TNFSF10: variants seen among roughly 807,000 people sequenced by gnomAD.
TNFSF10 encodes the protein tumor necrosis factor ligand superfamily member 10.
A neutral mutation model predicts 29.5 loss-of-function variants in TNFSF10; 13 were observed. That is an observed-to-expected ratio of 0.44 (90% CI 0.29 to 0.70). The LOEUF (loss-of-function observed/expected upper bound fraction) is 0.70. Ranked by LOEUF, TNFSF10 falls within the 30% of genes least tolerant of loss-of-function variation. TNFSF10 has a pLI of 0.13. For missense variants in TNFSF10, 345 were observed against 330.9 expected, an observed-to-expected ratio of 1.04 and a Z score of -0.33; for synonymous variants, 111 against 112.8, an observed-to-expected ratio of 0.98 and a Z score of 0.10.
At chr3:172,522,475 C>G in intron 1 of TNFSF10, 1 of 1,273,264 alleles carries the variant, frequency 7.9e-7, no homozygotes, top group Non-Finnish European at 1.1e-6. Context: ...GTTAGAATCT[C>G]TTACTGTGCA....
rs529129094 is a variant in TNFSF10, at chr3:172,508,680, G to A, written c.418+537C>T. Among the ~76,000 whole-genome samples the A allele has an allele frequency of 1.4e-3, 217 of 152,060 alleles. 1 individual carries two copies. The highest frequency in any genetic ancestry group is 6.8e-3 in the Middle Eastern group (2 of 294). Reference sequence around the variant, plus strand: ...CGAGGTGGGCGGATCACCTGAGGTCGGGAGTTCGAGACCAGCCTGACCAAC... The same window carrying A: ...CGAGGTGGGCGGATCACCTGAGGTCAGGAGTTCGAGACCAGCCTGACCAAC... On this transcript the variant is annotated intron_variant, in intron 4 of 4. Coordinates refer to ENST00000241261, the MANE Select transcript of TNFSF10 (RefSeq NM_003810.4).
chr3:172,509,098 ACTGAGCATT>A (rs1713115761), intron 4 of TNFSF10, 110 bp downstream of exon 4: 1 of 757,770 alleles, frequency 1.3e-6, no homozygotes, highest in Non-Finnish European at 2.1e-6. Context: ...TCTGATTAAT[ACTGAGCATT>A]TTGTAGATAG....
chr3:172,517,282 G>A, intron 1 of TNFSF10: 1 of 964,994 alleles, frequency 1.0e-6, no homozygotes, highest in Non-Finnish European at 1.2e-6. Context: ...GCCCAGGTTA[G>A]CACCAATTGC....
intron 1 of TNFSF10, chr3:172,517,294 G>A (rs760221377): frequency 9.6e-5 from 94 of 979,374 alleles, no homozygotes; most frequent in Non-Finnish European, 1.0e-4. Flanking sequence ...ACCAATTGCT[G>A]GCTAGAGCCT....
intron 1 of TNFSF10, among the ~76,000 whole-genome samples, chr3:172,516,784 G>A (rs1225299655): frequency 6.6e-6 from 1 of 152,156 alleles, no homozygotes; most frequent in African/African-American, 2.4e-5. Flanking sequence ...CTTGGGAGAT[G>A]CAAAACCTTT....
chr3:172,516,263 C>CAAAAAA (rs34276385), intron 1 of TNFSF10, among the ~76,000 whole-genome samples: 1 of 124,458 alleles, frequency 8.0e-6, no homozygotes. Context: ...GACTCCATCT[C>CAAAAAA]AAAAAAAAAA....
chr3:172,507,967 G>A (rs1159044757), intron 4 of TNFSF10, among the ~76,000 whole-genome samples: 1 of 152,214 alleles, frequency 6.6e-6, no homozygotes, highest in Non-Finnish European at 1.5e-5. Flanking sequence ...ACTGAAGCTT[G>A]ACTAGGTTAA....
chr3:172,513,609 A>G (rs887932043), intron 2 of TNFSF10, among the ~76,000 whole-genome samples: 4 of 152,318 alleles, frequency 2.6e-5, no homozygotes, highest in Admixed American at 2.6e-4. Context: ...GCTCAGGATT[A>G]TCAGCTTGAT....
At chr3:172,507,178 C>T in intron 4 of TNFSF10, 1 of 453,784 alleles carries the variant, frequency 2.2e-6, no homozygotes, top group Non-Finnish European at 3.9e-6. Context: ...GCTGCTTATG[C>T]CACATGTGTC....
intron 4 of TNFSF10, chr3:172,507,292 A>T (rs1713029092): frequency 5.1e-6 from 1 of 196,146 alleles, no homozygotes; most frequent in Non-Finnish European, 1.0e-5. Flanking sequence ...GTGCTGGTGA[A>T]CTTAAGTGGA....
intron 1 of TNFSF10, chr3:172,517,921 C>T: frequency 1.0e-6 from 1 of 985,424 alleles, no homozygotes; most frequent in Non-Finnish European, 1.2e-6. Flanking sequence ...AGAGAGGAAG[C>T]CCCAGTCACT....
intron 1 of TNFSF10, chr3:172,517,286 C>A: frequency 2.1e-6 from 2 of 973,698 alleles, no homozygotes; most frequent in Non-Finnish European, 2.4e-6. Context: ...AGGTTAGCAC[C>A]AATTGCTGGC....
Position 172,515,018 on chromosome 3 carries a change from AAC to A in TNFSF10, c.133-22_133-21del. On this transcript the variant is annotated intron_variant, in intron 1 of 4. Coordinates refer to ENST00000241261, the MANE Select transcript of TNFSF10 (RefSeq NM_003810.4). ...CTGCATCTGGGTTGAGATGGAATAT[AAC>A]ACAATATTTTGCATAAGTGCTTTTT... The A allele has an allele frequency of 6.2e-7, 1 of 1,613,606 alleles. No homozygotes were observed. The highest frequency in any genetic ancestry group is 8.5e-7 in the Non-Finnish European group (1 of 1,179,906).
intron 1 of TNFSF10, among the ~76,000 whole-genome samples, chr3:172,522,041 C>T (rs780577917): frequency 4.9e-5 from 7 of 143,726 alleles, no homozygotes; most frequent in South Asian, 4.8e-4. Context: ...TGGGGCCTGT[C>T]GGGGGTGGGA....
chr3:172,517,268 A>C, intron 1 of TNFSF10: 1 of 922,228 alleles, frequency 1.1e-6, no homozygotes, highest in Non-Finnish European at 1.3e-6. Flanking sequence ...TGCCACAGGG[A>C]CTAGCCCAGG....
chr3:172,522,220 A>G, intron 1 of TNFSF10: 2 of 470,618 alleles, frequency 4.2e-6, no homozygotes, highest in South Asian at 4.2e-5. Context: ...AAAAAATTTA[A>G]AAATAAAGAA....
At chr3:172,516,745 T>C (rs1019658797) in intron 1 of TNFSF10, among the ~76,000 whole-genome samples, 3 of 152,192 alleles carry the variant, frequency 2.0e-5, no homozygotes, top group Non-Finnish European at 4.4e-5. Context: ...CTGCCCCACC[T>C]GTAAACATCC....
At chr3:172,509,073 A>G in intron 4 of TNFSF10, 144 bp downstream of exon 4, 1 of 531,414 alleles carries the variant, frequency 1.9e-6, no homozygotes, top group Non-Finnish European at 3.1e-6. Context: ...GCATCTGAAA[A>G]CAGTCAATCT....
chr3:172,505,569 A>G lies in TNFSF10; in HGVS notation c.*923T>C, dbSNP rs895676304. Reference sequence around the variant, plus strand: ...GTAATATGTGTCAAAGATATTATGAAAAAAAGATTAGAAGTCTTTTCCCCC... The same window carrying G: ...GTAATATGTGTCAAAGATATTATGAGAAAAAGATTAGAAGTCTTTTCCCCC... On this transcript the variant is annotated 3_prime_UTR_variant, in exon 5 of 5. Coordinates refer to ENST00000241261, the MANE Select transcript of TNFSF10 (RefSeq NM_003810.4). 1 of 152,088 alleles carries G rather than the reference A, an allele frequency of 6.6e-6. No individual in the cohort carries two copies. Among genetic ancestry groups the G allele is most frequent in the African/African-American group, 2.4e-5 (1 of 41,418 alleles). The allele number at this position is 152,088 out of a possible 1,614,324, so 9.4% of individuals were successfully genotyped here.
Sources: gnomAD v4.1 joint callset for allele counts (sites outside exome capture counted in the v4.1 genomes callset) on GRCh38, gnomAD v4.1.1 for gene constraint, MANE v1.5 for transcripts, NCBI Gene and HGNC (gene_info 2026-07-23, HGNC 2026-07-21) for gene names.